Variants in GRIA1 observed in about 807,000 individuals in gnomAD.
GRIA1 encodes glutamate ionotropic receptor AMPA type subunit 1, also known as glutamate receptor 1.
GRIA1 carries 31 observed loss-of-function variants against 99.2 expected under a neutral mutation model. That is an observed-to-expected ratio of 0.31 (90% CI 0.23 to 0.42). GRIA1 has a LOEUF of 0.42. Among genes scored for constraint, GRIA1 ranks in the 10% least tolerant of loss-of-function variants. The pLI is 1.00. For missense variants in GRIA1, 782 were observed against 1,157.5 expected, an observed-to-expected ratio of 0.68 and a Z score of 4.71; for synonymous variants, 438 against 432.4, an observed-to-expected ratio of 1.01 and a Z score of -0.16.
intron 4 of GRIA1, among the ~76,000 whole-genome samples, chr5:153,655,531 C>T (rs977009826): frequency 6.6e-6 from 1 of 152,196 alleles, no homozygotes; most frequent in African/African-American, 2.4e-5. Context: ...TAACACCACT[C>T]TACCCTTGGA....
chr5:153,617,054 C>T (rs1380270604), intron 2 of GRIA1, among the ~76,000 whole-genome samples: 1 of 152,136 alleles, frequency 6.6e-6, no homozygotes, highest in Admixed American at 6.5e-5. Context: ...TGGGTGAGTA[C>T]AGCATTTCAG....
At chr5:153,653,755 C>T (rs1754740963) in intron 4 of GRIA1, among the ~76,000 whole-genome samples, 1 of 152,152 alleles carries the variant, frequency 6.6e-6, no homozygotes, top group African/African-American at 2.4e-5. Context: ...CTCACTTGCT[C>T]AATGCTGTTT....
At chr5:153,800,005 A>T (rs1765902185) in intron 14 of GRIA1, among the ~76,000 whole-genome samples, 1 of 152,196 alleles carries the variant, frequency 6.6e-6, no homozygotes, top group Non-Finnish European at 1.5e-5. Flanking sequence ...TAACAGAAAA[A>T]GATGCCCATC....
At chr5:153,681,896 G>GTGTA (rs1380374572) in intron 7 of GRIA1, among the ~76,000 whole-genome samples, 5 of 152,048 alleles carry the variant, frequency 3.3e-5, no homozygotes, top group Non-Finnish European at 7.4e-5. Context: ...TTAGCGGGAT[G>GTGTA]TGTAGCAGGC....
intron 2 of GRIA1, among the ~76,000 whole-genome samples, chr5:153,612,480 T>G (rs574359172): frequency 2.0e-5 from 3 of 152,194 alleles, no homozygotes; most frequent in Non-Finnish European, 4.4e-5. Flanking sequence ...GTATACAAGG[T>G]GGATATTAGA....
rs707176 is a variant in GRIA1 at position 153,650,400 on chromosome 5, T to C, written c.531T>C (p.Ile177=). Residue 177 remains isoleucine, a synonymous_variant, in exon 4 of 16, where the codon ATT becomes ATC. Coordinates refer to ENST00000285900, the MANE Select transcript of GRIA1 (RefSeq NM_000827.4). ...EKNWQVTAVN[I]LTTTEEGYRM... ...ACTGGCAGGTGACAGCAGTCAACAT[T>C]TTGACAACCACAGAGGAGGGATACC... 487,570 of 1,613,532 alleles carry C rather than the reference T, an allele frequency of 0.3. 79,191 individuals are homozygous for C. The highest frequency in any genetic ancestry group is 0.34 in the Non-Finnish European group (398,546 of 1,179,658).
At chr5:153,491,335 A>C in intron 1 of GRIA1, 1 of 1,162,494 alleles carries the variant, frequency 8.6e-7, no homozygotes, top group Non-Finnish European at 1.1e-6. Context: ...TTTTTAATGT[A>C]AGTATGTATG....
intron 2 of GRIA1, among the ~76,000 whole-genome samples, chr5:153,534,476 T>C (rs1482510408): frequency 6.6e-6 from 1 of 152,188 alleles, no homozygotes; most frequent in Non-Finnish European, 1.5e-5. Flanking sequence ...CAGAAAACCT[T>C]GATAATAGCA....
At chr5:153,498,501 C>A (rs1754656517) in intron 2 of GRIA1, among the ~76,000 whole-genome samples, 1 of 152,098 alleles carries the variant, frequency 6.6e-6, no homozygotes, top group South Asian at 2.1e-4. Context: ...GCCTCAATGA[C>A]AATAGGTGAA....
intron 2 of GRIA1, among the ~76,000 whole-genome samples, chr5:153,559,977 G>A (rs72800784): frequency 0.13 from 19,971 of 151,968 alleles, 1,485 homozygotes; most frequent in South Asian, 0.25. Flanking sequence ...TACAAAGTTT[G>A]CTGTTTACAA....
At chr5:153,524,821 A>G (rs1442321590) in intron 2 of GRIA1, among the ~76,000 whole-genome samples, 2 of 152,204 alleles carry the variant, frequency 1.3e-5, no homozygotes, top group East Asian at 1.9e-4. Context: ...TTGCAACTCC[A>G]GTGAACCTGT....
rs750448884 is a variant in GRIA1 at position 153,647,040 on chromosome 5, G to A, written c.333G>A (p.Pro111=). 16 of 1,613,902 alleles carry A rather than the reference G, an allele frequency of 9.9e-6. No individual in the cohort carries two copies. In the South Asian group the frequency reaches 1.3e-4, roughly 13 times the overall value. Residue 111 remains proline (P), a synonymous_variant, in exon 3 of 16, where the codon CCG becomes CCA. Transcript: ENST00000285900. ...CCCTCCACGTCTGCTTCATTACGCCGAGCTTTCCCGTTGATACATCCAATC... is the reference window on the plus strand; with the variant it reads ...CCCTCCACGTCTGCTTCATTACGCCAAGCTTTCCCGTTGATACATCCAATC... ...CGALHVCFIT[P]SFPVDTSNQF... is the part of the protein sequence containing the mutation.
intron 4 of GRIA1, 25 bp from the exon 5 acceptor site, chr5:153,655,794 A>T: frequency 6.2e-7 from 1 of 1,602,774 alleles, no homozygotes; most frequent in Non-Finnish European, 8.5e-7. Flanking sequence ...ATGATTAATG[A>T]GTCTCCACCT....
chr5:153,706,582 T>C (rs7702033), intron 11 of GRIA1, among the ~76,000 whole-genome samples: 107,071 of 152,132 alleles, frequency 0.7, 38,121 homozygotes, highest in East Asian at 0.96. Flanking sequence ...TCCTTTCCTA[T>C]TTCTGCATGG....
intron 5 of GRIA1, among the ~76,000 whole-genome samples, chr5:153,660,910 C>T (rs907451890): frequency 2.1e-4 from 32 of 152,258 alleles, no homozygotes; most frequent in South Asian, 1.0e-3. Flanking sequence ...GAAGAGATGA[C>T]GGAGTTAGCC....
At chr5:153,775,943 G>C (rs1287385141) in intron 13 of GRIA1, among the ~76,000 whole-genome samples, 1 of 152,066 alleles carries the variant, frequency 6.6e-6, no homozygotes, top group Non-Finnish European at 1.5e-5. Context: ...GAACAACAAG[G>C]GGTCCACTTT....
intron 15 of GRIA1, among the ~76,000 whole-genome samples, chr5:153,804,352 C>T (rs1323529119): frequency 6.6e-5 from 10 of 152,152 alleles, no homozygotes; most frequent in Non-Finnish European, 1.2e-4. Flanking sequence ...ACTCCTAGAA[C>T]CTACTCAAAG....
At chr5:153,531,635 C>A (rs1402074197) in intron 2 of GRIA1, among the ~76,000 whole-genome samples, 1 of 152,102 alleles carries the variant, frequency 6.6e-6, no homozygotes, top group East Asian at 1.9e-4. Context: ...TACTAAGCTC[C>A]CTGTTACTAG....
At chr5:153,567,095 TTTG>T (rs768057293) in intron 2 of GRIA1, among the ~76,000 whole-genome samples, 1 of 152,282 alleles carries the variant, frequency 6.6e-6, no homozygotes, top group East Asian at 1.9e-4. Flanking sequence ...TTAGATCTTT[TTTG>T]TTGTTGTTGT....
Sources: gnomAD v4.1 joint callset for allele counts (sites outside exome capture counted in the v4.1 genomes callset) on GRCh38, gnomAD v4.1.1 for gene constraint, MANE v1.5 for transcripts, NCBI Gene and HGNC (gene_info 2026-07-23, HGNC 2026-07-21) for gene names.